SUSD1: variants seen among roughly 807,000 people sequenced by gnomAD.
SUSD1 encodes the protein sushi domain containing 1.
In SUSD1, 65 loss-of-function variants were observed where a neutral mutation model predicts 86.9. The observed-to-expected ratio is 0.75, with a 90% CI of 0.61 to 0.92. The LOEUF (loss-of-function observed/expected upper bound fraction) is 0.92, where lower values mean the gene tolerates loss of function less well. Among genes scored for constraint, SUSD1 ranks in the 40% least tolerant of loss-of-function variants. SUSD1 has a pLI of 0.00. For synonymous variants in SUSD1, 346 were observed against 350.0 expected, an observed-to-expected ratio of 0.99 and a Z score of 0.13; for missense variants, 850 against 929.7, an observed-to-expected ratio of 0.91 and a Z score of 1.11.
intron 6 of SUSD1, 117 bp downstream of exon 6, chr9:112,124,140 A>C: frequency 1.0e-6 from 1 of 994,838 alleles, no homozygotes; most frequent in South Asian, 2.8e-5. Context: ...ACAACCAGGT[A>C]AATAGCCGAG....
chr9:112,166,778 G>T (rs1467109916), intron 1 of SUSD1, among the ~76,000 whole-genome samples: 2 of 152,188 alleles, frequency 1.3e-5, no homozygotes, highest in Non-Finnish European at 2.9e-5. Flanking sequence ...AAAGCAGGGA[G>T]GTGGTTGCCA....
intron 2 of SUSD1, 107 bp from the exon 3 acceptor site, chr9:112,149,506 C>A (rs935012308): frequency 8.0e-7 from 1 of 1,244,478 alleles, no homozygotes; most frequent in Non-Finnish European, 1.1e-6. Context: ...GTTCTGTGAC[C>A]ACACCTTAGT....
chr9:112,140,784 C>T (rs1426301519), intron 5 of SUSD1, among the ~76,000 whole-genome samples: 1 of 152,174 alleles, frequency 6.6e-6, no homozygotes. Context: ...GCAATTCCTT[C>T]ATTGTGTGAA....
chr9:112,140,675 G>T (rs1832526556), intron 5 of SUSD1, among the ~76,000 whole-genome samples: 1 of 152,106 alleles, frequency 6.6e-6, no homozygotes, highest in Non-Finnish European at 1.5e-5. Flanking sequence ...AGAATTCCTG[G>T]GTTCAAGTTC....
intron 3 of SUSD1, among the ~76,000 whole-genome samples, chr9:112,144,072 T>C (rs1832703032): frequency 6.6e-6 from 1 of 151,966 alleles, no homozygotes; most frequent in Admixed American, 6.6e-5. Context: ...AAACCTCATC[T>C]CTAGTAAAAA....
At chr9:112,042,756 G>C (rs1385538821) in intron 15 of SUSD1, among the ~76,000 whole-genome samples, 1 of 152,062 alleles carries the variant, frequency 6.6e-6, no homozygotes, top group East Asian at 1.9e-4. Context: ...CCTTCACATT[G>C]GGTACTATTA....
chr9:112,140,356 G>T lies in SUSD1; in HGVS notation c.706+1964C>A, dbSNP rs1164429722. On this transcript the variant is annotated intron_variant, in intron 5 of 16. Transcript: ENST00000374270. ...CGCAGTCCGGCCTGGGCGACAGAGC[G>T]AGACTCCGTCTCCAAAAAAAAAAAA... 2.5e-5 allele frequency among the ~76,000 whole-genome samples: 2 copies of T among 78,846 alleles called. 1 individual carries two copies. The highest frequency in any genetic ancestry group is 4.8e-5 in the Non-Finnish European group (2 of 41,572). 51.7% of individuals were successfully genotyped at this position (78,846 alleles called of 152,430 possible).
At chr9:112,094,421 T>C (rs1450407416) in intron 10 of SUSD1, among the ~76,000 whole-genome samples, 1 of 152,206 alleles carries the variant, frequency 6.6e-6, no homozygotes, top group Non-Finnish European at 1.5e-5. Context: ...CTGGATGATC[T>C]GTTTCACAGA....
intron 6 of SUSD1, among the ~76,000 whole-genome samples, chr9:112,119,786 G>A (rs530197115): frequency 2.0e-4 from 31 of 152,248 alleles, no homozygotes; most frequent in Admixed American, 4.6e-4. Context: ...CTGGCCTGGC[G>A]GGGAAGGAGG....
chr9:112,084,286 C>T (rs1405817068), intron 10 of SUSD1, among the ~76,000 whole-genome samples: 17 of 151,924 alleles, frequency 1.1e-4, no homozygotes, highest in Non-Finnish European at 2.4e-4. Flanking sequence ...ATTAGTATAC[C>T]TTTATGTGAT....
intron 5 of SUSD1, among the ~76,000 whole-genome samples, chr9:112,141,321 A>G (rs538969327): frequency 2.0e-5 from 3 of 152,344 alleles, no homozygotes; most frequent in South Asian, 4.1e-4. Context: ...GTCCATCATC[A>G]TATATAAAGT....
At chr9:112,062,178 C>T (rs1191032449) in intron 13 of SUSD1, among the ~76,000 whole-genome samples, 1 of 152,124 alleles carries the variant, frequency 6.6e-6, no homozygotes, top group Non-Finnish European at 1.5e-5. Context: ...CCACTGCACA[C>T]CCCCCAAGAT....
intron 14 of SUSD1, among the ~76,000 whole-genome samples, chr9:112,056,808 C>T (rs922685282): frequency 1.3e-5 from 2 of 152,102 alleles, no homozygotes; most frequent in African/African-American, 4.8e-5. Context: ...ACATCTGCCT[C>T]CCAGGCTCAA....
At chr9:112,050,831 G>A (rs567200666) in intron 15 of SUSD1, among the ~76,000 whole-genome samples, 5 of 152,274 alleles carry the variant, frequency 3.3e-5, no homozygotes, top group African/African-American at 1.2e-4. Flanking sequence ...GGGAAATCCC[G>A]AGCCTGGAAA....
At position 112,041,044 on chromosome 9, in the gene SUSD1, C is replaced by G. The variant is rs1827713068; in HGVS notation, c.*448G>C. 2 of 199,358 alleles carry G rather than the reference C, an allele frequency of 1.0e-5. No individual in the cohort carries two copies. Among genetic ancestry groups the G allele is most frequent in the Non-Finnish European group, 2.0e-5 (2 of 98,382 alleles). The allele number at this position is 199,358 out of a possible 1,614,324, so 12.3% of individuals were successfully genotyped here. ...TCAAACTCTAGCCCAAACTTAAGCC[C>G]ATCTCACTGCATATTGTAAAGAATG... is the stretch of plus-strand genomic sequence containing the variant. On this transcript the variant is annotated 3_prime_UTR_variant, in exon 17 of 17. Transcript: ENST00000374270.
chr9:112,157,850 G>A (rs1833402825), intron 1 of SUSD1, among the ~76,000 whole-genome samples: 1 of 144,712 alleles, frequency 6.9e-6, no homozygotes, highest in African/African-American at 2.6e-5. Flanking sequence ...TCAAGACATG[G>A]TCTTGCTCTG....
chr9:112,148,420 CAT>C (rs1832899713), intron 3 of SUSD1, among the ~76,000 whole-genome samples: 1 of 152,190 alleles, frequency 6.6e-6, no homozygotes, highest in Admixed American at 6.5e-5. Context: ...TCAGCGCACA[CAT>C]GTGGGAGGCA....
In SUSD1 at chr9:112,126,363, C is replaced by T. The variant is rs1055024945; in HGVS notation, c.707-1927G>A. ...CACAAGTACAAAAGGGATAAAAGTA[C>T]AAAAGATAACTAGATTGGCTTCCAT... On this transcript the variant is annotated intron_variant, in intron 5 of 16. Coordinates refer to ENST00000374270, the MANE Select transcript of SUSD1 (RefSeq NM_022486.5). Among the ~76,000 whole-genome samples, 4 of 152,056 alleles carry T rather than the reference C, an allele frequency of 2.6e-5. No individual in the cohort carries two copies. In the East Asian group the frequency reaches 5.8e-4, roughly 22 times the overall value.
At chr9:112,074,337 G>A (rs189265996) in intron 12 of SUSD1, among the ~76,000 whole-genome samples, 3 of 152,288 alleles carry the variant, frequency 2.0e-5, no homozygotes, top group South Asian at 2.1e-4. Flanking sequence ...GATGCGTGCC[G>A]TGGGGCTATC....
Sources: gnomAD v4.1 joint callset for allele counts (sites outside exome capture counted in the v4.1 genomes callset) on GRCh38, gnomAD v4.1.1 for gene constraint, MANE v1.5 for transcripts, NCBI Gene and HGNC (gene_info 2026-07-23, HGNC 2026-07-21) for gene names.